Variants in PREX1 observed in about 807,000 individuals in gnomAD.
PREX1 encodes the protein phosphatidylinositol 3,4,5-trisphosphate-dependent Rac exchanger 1 protein.
Under a neutral mutation model 198.3 loss-of-function variants are expected in PREX1, and 41 were observed. The observed-to-expected ratio is 0.21, with a 90% CI of 0.16 to 0.27. PREX1 has a LOEUF of 0.27. Ranked by LOEUF, PREX1 falls within the 10% of genes least tolerant of loss-of-function variation. The probability of loss-of-function intolerance (pLI) is 1.00; values close to 1 mark genes in which losing one functional copy is unlikely to be tolerated. For missense variants in PREX1, 1,620 were observed against 2,200.7 expected, an observed-to-expected ratio of 0.74 and a Z score of 5.28; for synonymous variants, 843 against 887.2, an observed-to-expected ratio of 0.95 and a Z score of 0.89.
chr20:48,845,484 C>A, the PREX1 span, among the ~76,000 whole-genome samples: 8 of 152,114 alleles, frequency 5.3e-5, no homozygotes, highest in African/African-American at 1.9e-4. Flanking sequence ...AGGAAGATTG[C>A]TTGGGGCCAG....
At chr20:48,743,311 T>C (rs150457942) in intron 3 of PREX1, among the ~76,000 whole-genome samples, 1,817 of 152,258 alleles carry the variant, frequency 0.012, 19 homozygotes, top group Middle Eastern at 0.082. Context: ...TCCTTTTCAT[T>C]TTCCTATTCA....
intron 10 of PREX1, among the ~76,000 whole-genome samples, chr20:48,686,602 C>T (rs1321649638): frequency 6.6e-6 from 1 of 152,180 alleles, no homozygotes; most frequent in East Asian, 1.9e-4. Flanking sequence ...GAGAGAAAAA[C>T]CTCCTTTCCT....
At position 48,816,247 on chromosome 20, in the gene PREX1, T is replaced by C. The variant is rs561240724; in HGVS notation, c.219+11395A>G. 7.2e-5 allele frequency among the ~76,000 whole-genome samples: 11 copies of C among 152,154 alleles called. No individual in the cohort carries two copies. In the East Asian group the frequency reaches 2.1e-3, roughly 29 times the overall value. ...GAGTAAATAAAGTAAAGCACAGTGG[T>C]CACAAATATGGGCTCTGGAGTAGAA... On this transcript the variant is annotated intron_variant, in intron 1 of 39. Transcript: ENST00000371941.
intron 1 of PREX1, among the ~76,000 whole-genome samples, chr20:48,754,251 T>C (rs6090901): frequency 0.069 from 10,531 of 152,250 alleles, 476 homozygotes; most frequent in South Asian, 0.18. Context: ...GAGGCAGGCA[T>C]TGTTATTACT....
chr20:48,774,911 A>T (rs2090253966), intron 1 of PREX1, among the ~76,000 whole-genome samples: 1 of 152,206 alleles, frequency 6.6e-6, no homozygotes, highest in Non-Finnish European at 1.5e-5. Flanking sequence ...TTTTCCACAG[A>T]GCGAGGCTGA....
chr20:48,652,544 G>A (rs2089507378), intron 21 of PREX1, 42 bp downstream of exon 21: 1 of 1,563,906 alleles, frequency 6.4e-7, no homozygotes, highest in Admixed American at 1.8e-5. Context: ...CGGAGTCTCA[G>A]TCCCTCTGGA....
intron 1 of PREX1, among the ~76,000 whole-genome samples, chr20:48,777,411 GAACTGA>G (rs1249214162): frequency 6.6e-6 from 1 of 152,184 alleles, no homozygotes; most frequent in Non-Finnish European, 1.5e-5. Context: ...GCAACCTTCA[GAACTGA>G]CCATTACGGT....
At chr20:48,726,941 G>A (rs1438631248) in intron 4 of PREX1, among the ~76,000 whole-genome samples, 1 of 152,186 alleles carries the variant, frequency 6.6e-6, no homozygotes, top group African/African-American at 2.4e-5. Flanking sequence ...GATAACCAGG[G>A]CCACACGTAG....
chr20:48,872,442 C>T, the PREX1 span, among the ~76,000 whole-genome samples: 1 of 152,038 alleles, frequency 6.6e-6, no homozygotes, highest in Admixed American at 6.6e-5. Flanking sequence ...AAGTATTTTA[C>T]AAGACAGAAC....
At chr20:48,685,277 C>G (rs1360055853) in intron 10 of PREX1, among the ~76,000 whole-genome samples, 1 of 152,228 alleles carries the variant, frequency 6.6e-6, no homozygotes, top group Non-Finnish European at 1.5e-5. Flanking sequence ...ACAGGCCATG[C>G]TCCTCCCAGG....
At chr20:48,876,891 T>C in the PREX1 span, among the ~76,000 whole-genome samples, 1 of 152,162 alleles carries the variant, frequency 6.6e-6, no homozygotes, top group Non-Finnish European at 1.5e-5. Flanking sequence ...AAGCATGTAG[T>C]GGGGCTCAGT....
chr20:48,765,084 C>T (rs376068627), intron 1 of PREX1, among the ~76,000 whole-genome samples: 2 of 152,210 alleles, frequency 1.3e-5, no homozygotes, highest in East Asian at 1.9e-4. Context: ...GAAACTAATA[C>T]GACTGCTAGC....
At chr20:48,660,094 G>A (rs2089578953) in intron 15 of PREX1, 33 bp from the exon 16 acceptor site, 2 of 1,597,612 alleles carry the variant, frequency 1.3e-6, no homozygotes, top group Non-Finnish European at 1.7e-6. Flanking sequence ...TCAGTGGTCA[G>A]ATTCACAGGG....
chr20:48,642,565 G>A, intron 27 of PREX1, 76 bp from the exon 28 acceptor site: 1 of 1,314,200 alleles, frequency 7.6e-7, no homozygotes, highest in East Asian at 2.3e-5. Context: ...TTCCTAAGAG[G>A]GGGATACAGC....
chr20:48,818,712 T>G (rs1268845864), intron 1 of PREX1, among the ~76,000 whole-genome samples: 1 of 152,260 alleles, frequency 6.6e-6, no homozygotes, highest in Non-Finnish European at 1.5e-5. Context: ...TGCCTATGCA[T>G]GGAGGGTGGA....
the PREX1 span, among the ~76,000 whole-genome samples, chr20:48,884,945 A>G: frequency 2.0e-5 from 3 of 152,172 alleles, no homozygotes. Flanking sequence ...CTGGGTTTTA[A>G]ATCTGGATAA....
chr20:48,645,175 G>C (rs1015911848), intron 26 of PREX1, among the ~76,000 whole-genome samples: 3 of 152,180 alleles, frequency 2.0e-5, no homozygotes, highest in Admixed American at 6.5e-5. Flanking sequence ...GCGAGGACTG[G>C]GGGGAAGGTC....
rs138238520 is a variant in PREX1, at chr20:48,720,918, G to A, written c.621+5372C>T. 2.8e-3 allele frequency among the ~76,000 whole-genome samples: 424 copies of A among 152,228 alleles called. 1 individual carries two copies. The highest frequency in any genetic ancestry group is 9.1e-3 in the African/African-American group (378 of 41,520). ...GGAGGTGCAGGAGACACCAGCGGCC[G>A]TGCACAGACCCAAGGCTGTACCCCA... On this transcript the variant is annotated intron_variant, in intron 5 of 39. Transcript: ENST00000371941.
chr20:48,644,943 C>T (rs2089439916), intron 26 of PREX1, among the ~76,000 whole-genome samples: 1 of 152,204 alleles, frequency 6.6e-6, no homozygotes, highest in Admixed American at 6.5e-5. Flanking sequence ...GAGATCAAAA[C>T]CCAGGATCCT....
Sources: gnomAD v4.1 joint callset for allele counts (sites outside exome capture counted in the v4.1 genomes callset) on GRCh38, gnomAD v4.1.1 for gene constraint, MANE v1.5 for transcripts, NCBI Gene and HGNC (gene_info 2026-07-23, HGNC 2026-07-21) for gene names.